SOCS5: variants seen among roughly 807,000 people sequenced by gnomAD.
SOCS5 encodes CIS-6.
In SOCS5, 32 loss-of-function variants were observed where a neutral mutation model predicts 42.8. The observed-to-expected ratio is 0.75, with a 90% confidence interval of 0.56 to 1.01. The LOEUF is 1.01. Among genes scored for constraint, SOCS5 ranks in the 50% least tolerant of loss-of-function variants. The pLI, the probability that SOCS5 is intolerant of heterozygous loss-of-function variation, is 0.00. For missense variants in SOCS5, 627 were observed against 653.0 expected (o/e 0.96, Z 0.43); for synonymous variants, 283 against 229.6 (o/e 1.23, Z -2.10).
chr2:46,705,738 G>A (rs1205433343), intron 1 of SOCS5, among the ~76,000 whole-genome samples: 1 of 152,206 alleles, frequency 6.6e-6, no homozygotes, highest in African/African-American at 2.4e-5. Flanking sequence ...TCCTTCAGGT[G>A]ATCAGTACTG....
chr2:46,714,570 T>C (rs1672698229), intron 1 of SOCS5, among the ~76,000 whole-genome samples: 1 of 152,242 alleles, frequency 6.6e-6, no homozygotes, highest in Non-Finnish European at 1.5e-5. Flanking sequence ...TCACTTTTTT[T>C]ATCTAGTCTG....
At chr2:46,709,505 G>A (rs544661110) in intron 1 of SOCS5, among the ~76,000 whole-genome samples, 46 of 152,274 alleles carry the variant, frequency 3.0e-4, no homozygotes, top group African/African-American at 9.9e-4. Flanking sequence ...GGTTTTAGAG[G>A]AGGTAGAAAG....
At chr2:46,717,189 A>G (rs1672766709) in intron 1 of SOCS5, among the ~76,000 whole-genome samples, 1 of 152,080 alleles carries the variant, frequency 6.6e-6, no homozygotes, top group Non-Finnish European at 1.5e-5. Context: ...TGCAAATTCT[A>G]GCTGTCTCAG....
chr2:46,732,350 G>A (rs1356552330), intron 1 of SOCS5, among the ~76,000 whole-genome samples: 1 of 152,160 alleles, frequency 6.6e-6, no homozygotes, highest in Non-Finnish European at 1.5e-5. Flanking sequence ...ACTGAGACTT[G>A]CCGAATGAGT....
chr2:46,752,676 T>A (rs1221040079), intron 1 of SOCS5, among the ~76,000 whole-genome samples: 1 of 152,226 alleles, frequency 6.6e-6, no homozygotes, highest in African/African-American at 2.4e-5. Flanking sequence ...TGCTATATAG[T>A]GCTCCACTGT....
At chr2:46,726,686 C>T (rs963600768) in intron 1 of SOCS5, among the ~76,000 whole-genome samples, 2 of 151,892 alleles carry the variant, frequency 1.3e-5, no homozygotes, top group African/African-American at 2.4e-5. Context: ...CTCCATTTTG[C>T]TTATTAAGCC....
At chr2:46,740,359 A>T (rs1471102367) in intron 1 of SOCS5, among the ~76,000 whole-genome samples, 3 of 152,216 alleles carry the variant, frequency 2.0e-5, no homozygotes, top group African/African-American at 7.2e-5. Flanking sequence ...ACAATTGGCT[A>T]TATTTGGTTA....
At chr2:46,747,208 A>G (rs780653724) in intron 1 of SOCS5, among the ~76,000 whole-genome samples, 5 of 152,172 alleles carry the variant, frequency 3.3e-5, no homozygotes, top group Admixed American at 1.3e-4. Flanking sequence ...ATTTGCTTAC[A>G]GTTGTTCATA....
chr2:46,721,998 C>G (rs1672894911), intron 1 of SOCS5, among the ~76,000 whole-genome samples: 1 of 151,196 alleles, frequency 6.6e-6, no homozygotes, highest in Non-Finnish European at 1.5e-5. Flanking sequence ...ACAGTATTGT[C>G]ATTTCTATTT....
intron 1 of SOCS5, among the ~76,000 whole-genome samples, chr2:46,753,048 A>G (rs1467127110): frequency 6.6e-6 from 1 of 152,126 alleles, no homozygotes; most frequent in East Asian, 1.9e-4. Context: ...TTGCTCTCTT[A>G]TCATGGATTA....
At chr2:46,713,293 C>T (rs1411304669) in intron 1 of SOCS5, among the ~76,000 whole-genome samples, 1 of 152,160 alleles carries the variant, frequency 6.6e-6, no homozygotes, top group African/African-American at 2.4e-5. Context: ...GAGGTTGAGG[C>T]TCCAGTGAGC....
At chr2:46,729,556 T>A (rs1172426861) in intron 1 of SOCS5, among the ~76,000 whole-genome samples, 1 of 152,228 alleles carries the variant, frequency 6.6e-6, no homozygotes, top group African/African-American at 2.4e-5. Context: ...AGTATTTATG[T>A]ATCTAAACAT....
At chr2:46,716,651 G>T (rs1672751517) in intron 1 of SOCS5, among the ~76,000 whole-genome samples, 2 of 151,974 alleles carry the variant, frequency 1.3e-5, no homozygotes, top group South Asian at 4.2e-4. Flanking sequence ...CTAATATTTT[G>T]ACTTTTTTGT....
rs781084154 is a variant in SOCS5 at position 46,758,596 on chromosome 2, G to T, written c.66G>T (p.Glu22Asp). The change falls in exon 2 of 2, where the codon GAG becomes GAT. Residue 22 changes from glutamate (E) to aspartate (D), a missense_variant. Physicochemically the swap from Glu to Asp is conservative, Grantham distance 45. This residue lies in a region of SOCS5 where 278 missense variants were observed against 246.3 expected (regional missense o/e 1.13). Coordinates refer to ENST00000394861, the MANE Select transcript of SOCS5 (RefSeq NM_144949.3). Reference protein sequence around the residue: ...KYRCQNLFGHEGGSRSENVDM... With the variant: ...KYRCQNLFGHDGGSRSENVDM... ...GGTGTCAGAATCTCTTCGGTCATGA[G>T]GGAGGAAGCCGTAGTGAAAATGTGG... 4 of 1,613,372 alleles carry T rather than the reference G, an allele frequency of 2.5e-6. No homozygotes were observed. The East Asian group carries it at 8.9e-5, about 36-fold the overall frequency.
At chr2:46,711,220 A>G (rs1265446335) in intron 1 of SOCS5, among the ~76,000 whole-genome samples, 1 of 152,208 alleles carries the variant, frequency 6.6e-6, no homozygotes, top group Non-Finnish European at 1.5e-5. Context: ...ATTATGAGAA[A>G]CTTGCAGAAC....
chr2:46,699,253 G>A (rs1007251152), upstream of SOCS5: 1 of 152,366 alleles, frequency 6.6e-6, no homozygotes, highest in African/African-American at 2.4e-5. This position sits in a 1 kb window ranked among gnomAD's most constrained non-coding sequence, Gnocchi z 4.8. Context: ...GGGGGTGGGG[G>A]CCTGGCGGGG....
Position 46,760,364 on chromosome 2 carries a change from A to G in SOCS5, c.*223A>G, listed in dbSNP as rs1421163854. ...AGGTGTTCAGTAAGACTACAAAAAC[A>G]TTTTGCCTATTTCGCTAACAGTTTG... On this transcript the variant is annotated 3_prime_UTR_variant, in exon 2 of 2. Coordinates refer to ENST00000394861, the MANE Select transcript of SOCS5 (RefSeq NM_144949.3). 1.1e-5 allele frequency: 5 copies of G among 457,404 alleles called. No homozygotes were observed. The highest frequency in any genetic ancestry group is 7.8e-5 in the Admixed American group (2 of 25,804). The allele number at this position is 457,404 out of a possible 1,614,324, so 28.3% of individuals were successfully genotyped here.
intron 1 of SOCS5, among the ~76,000 whole-genome samples, chr2:46,748,645 CAGT>C (rs1304843246): frequency 6.6e-6 from 1 of 152,030 alleles, no homozygotes; most frequent in Non-Finnish European, 1.5e-5. Context: ...GCATAGGAGA[CAGT>C]AGTATCTTTT....
intron 1 of SOCS5, among the ~76,000 whole-genome samples, chr2:46,708,257 C>T (rs900535413): frequency 1.1e-4 from 17 of 152,124 alleles, no homozygotes; most frequent in African/African-American, 3.9e-4. Flanking sequence ...AAGTTTGAGT[C>T]CTCCAGATTT....
Sources: allele counts gnomAD v4.1 joint callset (sites outside exome capture counted in the v4.1 genomes callset), GRCh38; gene constraint gnomAD v4.1.1; regional missense constraint gnomAD v4.1.1; non-coding constraint Gnocchi (gnomAD v3.1); transcripts MANE v1.5; gene names NCBI Gene and HGNC (gene_info 2026-07-23, HGNC 2026-07-21).